RPS6KA5: variants seen among roughly 807,000 people sequenced by gnomAD.
The protein encoded by RPS6KA5 is ribosomal protein S6 kinase alpha-5.
Under a neutral mutation model 85.5 loss-of-function variants are expected in RPS6KA5, and 27 were observed. The ratio of observed to expected loss-of-function variants is 0.32; its 90% CI spans 0.23 to 0.44. The LOEUF is 0.44. Among genes scored for constraint, RPS6KA5 ranks in the 20% least tolerant of loss-of-function variants. The probability of loss-of-function intolerance (pLI) is 1.00; values close to 1 mark genes in which losing one functional copy is unlikely to be tolerated. For missense variants in RPS6KA5, 811 were observed against 980.9 expected, an observed-to-expected ratio of 0.83 and a Z score of 2.31; for synonymous variants, 334 against 348.2, an observed-to-expected ratio of 0.96 and a Z score of 0.46.
chr14:90,900,845 TTGAGA>T, intron 9 of RPS6KA5, 109 bp from the exon 10 acceptor site: 2 of 824,350 alleles, frequency 2.4e-6, no homozygotes, highest in Non-Finnish European at 3.6e-6. Context: ...CAAATATTTG[TTGAGA>T]TGAGTCTAAT....
chr14:90,940,332 A>C (rs191120686), intron 5 of RPS6KA5, among the ~76,000 whole-genome samples: 2 of 152,284 alleles, frequency 1.3e-5, no homozygotes, highest in African/African-American at 4.8e-5. Flanking sequence ...CAGACCACTA[A>C]GTGCTCAAAG....
intron 1 of RPS6KA5, among the ~76,000 whole-genome samples, chr14:91,035,701 T>G (rs2042367218): frequency 6.6e-6 from 1 of 151,738 alleles, no homozygotes; most frequent in Non-Finnish European, 1.5e-5. Flanking sequence ...CTATAAAAGC[T>G]ACTGCACAGG....
intron 1 of RPS6KA5, among the ~76,000 whole-genome samples, chr14:91,023,020 G>T (rs1468528152): frequency 1.4e-5 from 2 of 145,222 alleles, no homozygotes; most frequent in Non-Finnish European, 3.0e-5. Context: ...AGGAGGCGGA[G>T]GTTGTAGTGA....
At chr14:91,010,903 G>C (rs890119647) in intron 1 of RPS6KA5, among the ~76,000 whole-genome samples, 3 of 152,042 alleles carry the variant, frequency 2.0e-5, no homozygotes, top group African/African-American at 7.3e-5. Flanking sequence ...ACAGAGAGAA[G>C]GATATGTTAA....
chr14:90,983,769 T>C (rs112152300), intron 2 of RPS6KA5, among the ~76,000 whole-genome samples: 1 of 150,932 alleles, frequency 6.6e-6, no homozygotes, highest in South Asian at 2.1e-4. Context: ...ACTTTCTTTC[T>C]TTCCTTTCTT....
chr14:90,893,226 C>T (rs1262996741), intron 13 of RPS6KA5, among the ~76,000 whole-genome samples: 4 of 152,174 alleles, frequency 2.6e-5, no homozygotes, highest in African/African-American at 7.2e-5. Flanking sequence ...AGCTAATCTC[C>T]AATGTACAGA....
At chr14:90,971,637 T>C (rs1181709052) in intron 3 of RPS6KA5, among the ~76,000 whole-genome samples, 1 of 152,206 alleles carries the variant, frequency 6.6e-6, no homozygotes, top group Non-Finnish European at 1.5e-5. Flanking sequence ...AATAATCTTA[T>C]CATTTGGAGA....
Position 90,871,911 on chromosome 14 carries a change from GC to G in RPS6KA5, c.*162del, listed in dbSNP as rs1306387343. 3.6e-6 allele frequency: 3 copies of G among 838,940 alleles called. No individual in the cohort carries two copies. Among genetic ancestry groups the G allele is most frequent in the African/African-American group, 3.4e-5 (2 of 58,894 alleles). 52.0% of individuals were successfully genotyped at this position (838,940 alleles called of 1,614,324 possible). A position where few individuals can be genotyped will look rare whatever the true frequency, so the allele number is the denominator to read the frequency against. On this transcript the variant is annotated 3_prime_UTR_variant, in exon 17 of 17. Transcript: ENST00000614987. ...TTCACAGTAACATTCTCTGTCCAGT[GC>G]TTTTGAATGAGGATAACCAAACAGG... is the stretch of plus-strand genomic sequence containing the variant.
chr14:90,998,951 C>A (rs1314150787), intron 2 of RPS6KA5, among the ~76,000 whole-genome samples: 2 of 152,140 alleles, frequency 1.3e-5, no homozygotes, highest in African/African-American at 4.8e-5. Flanking sequence ...TGAGGCAGGC[C>A]GGGCGTGATG....
At chr14:91,020,538 G>C (rs1161701758) in intron 1 of RPS6KA5, among the ~76,000 whole-genome samples, 112 of 16,210 alleles carry the variant, frequency 6.9e-3, no homozygotes, top group Middle Eastern at 0.058. Flanking sequence ...GAATGACTGT[G>C]TGTGTGTGTG....
chr14:91,008,882 G>A (rs539110526), intron 1 of RPS6KA5, among the ~76,000 whole-genome samples: 45 of 152,250 alleles, frequency 3.0e-4, no homozygotes, highest in South Asian at 8.3e-4. Context: ...AAAAATGATT[G>A]CTAAAAAACA....
intron 3 of RPS6KA5, among the ~76,000 whole-genome samples, chr14:90,957,801 AC>A (rs1417995053): frequency 1.3e-5 from 2 of 151,208 alleles, no homozygotes; most frequent in Non-Finnish European, 2.9e-5. Flanking sequence ...TAAATTGCTT[AC>A]CACCAAAATT....
intron 3 of RPS6KA5, among the ~76,000 whole-genome samples, chr14:90,948,089 C>A (rs939947223): frequency 3.3e-5 from 5 of 152,150 alleles, no homozygotes; most frequent in Non-Finnish European, 5.9e-5. Context: ...TTGGTCAAAT[C>A]AAAGATTCTG....
At position 90,894,652 on chromosome 14, in the gene RPS6KA5, T is replaced by C. The variant is rs1243004949; in HGVS notation, c.1474-69A>G. 3 of 1,512,216 alleles carry C rather than the reference T, an allele frequency of 2.0e-6. No homozygotes were observed. The African/African-American group carries it at 4.2e-5, about 21-fold the overall frequency. 93.7% of individuals were successfully genotyped at this position (1,512,216 alleles called of 1,614,324 possible). A position where few individuals can be genotyped will look rare whatever the true frequency, so the allele number is the denominator to read the frequency against. ...AGAAGTCTATTAACATATAAAACAT[T>C]TATTGACTATCTACCACCAATACGT... On this transcript the variant is annotated intron_variant, in intron 12 of 16. Coordinates refer to ENST00000614987, the MANE Select transcript of RPS6KA5 (RefSeq NM_004755.4).
In RPS6KA5 at chr14:90,913,728, C is replaced by T. The variant is rs75108972; in HGVS notation, c.806+6478G>A. On this transcript the variant is annotated intron_variant, in intron 7 of 16. Transcript: ENST00000614987. ...TACTTCTCCAATCATTCCATGATGGCCCTTAGACTACCTTTCCCTAACAGG... is the reference window on the plus strand; with the variant it reads ...TACTTCTCCAATCATTCCATGATGGTCCTTAGACTACCTTTCCCTAACAGG... 4.3e-3 allele frequency among the ~76,000 whole-genome samples: 656 copies of T among 152,300 alleles called. 1 individual carries two copies. The highest frequency in any genetic ancestry group is 0.011 in the Admixed American group (170 of 15,300).
chr14:90,887,755 G>A (rs1325406573), intron 14 of RPS6KA5, among the ~76,000 whole-genome samples: 2 of 150,386 alleles, frequency 1.3e-5, no homozygotes, highest in Non-Finnish European at 3.0e-5. Flanking sequence ...CTAGGAATTT[G>A]AGACCAGCCT....
Position 90,870,387 on chromosome 14 carries a change from G to A in RPS6KA5, c.*1687C>T, listed in dbSNP as rs369852297. On this transcript the variant is annotated 3_prime_UTR_variant, in exon 17 of 17. Coordinates refer to ENST00000614987, the MANE Select transcript of RPS6KA5 (RefSeq NM_004755.4). ...TTAACTCAATATTATGTAGCCATTT[G>A]GGCCAGCAAAAAGTGTAAAATATTA... The A allele has an allele frequency of 1.4e-4, 22 of 152,066 alleles. No individual in the cohort carries two copies. Among genetic ancestry groups the A allele is most frequent in the African/African-American group, 4.6e-4 (19 of 41,420 alleles). The allele number at this position is 152,066 out of a possible 1,614,324, so 9.4% of individuals were successfully genotyped here. A position where few individuals can be genotyped will look rare whatever the true frequency, so the allele number is the denominator to read the frequency against.
At chr14:90,993,454 G>A (rs537241596) in intron 2 of RPS6KA5, among the ~76,000 whole-genome samples, 48 of 152,000 alleles carry the variant, frequency 3.2e-4, no homozygotes, top group African/African-American at 1.1e-3. Flanking sequence ...AAAACAACAA[G>A]ACAGAGCAAG....
intron 5 of RPS6KA5, among the ~76,000 whole-genome samples, chr14:90,938,761 T>A (rs577991804): frequency 1.3e-5 from 2 of 152,206 alleles, no homozygotes; most frequent in South Asian, 4.1e-4. Flanking sequence ...GGGCACCAAG[T>A]CCCTAGACTG....
Sources: gnomAD v4.1 joint callset for allele counts (sites outside exome capture counted in the v4.1 genomes callset) on GRCh38, gnomAD v4.1.1 for gene constraint, MANE v1.5 for transcripts, NCBI Gene and HGNC (gene_info 2026-07-23, HGNC 2026-07-21) for gene names.